Variants in UBE2E2 observed in about 807,000 individuals in gnomAD.
The protein encoded by UBE2E2 is ubiquitin conjugating enzyme E2 E2.
A neutral mutation model predicts 24.7 loss-of-function variants in UBE2E2; 6 were observed. The observed-to-expected ratio is 0.24, with a 90% CI of 0.13 to 0.48. The LOEUF (loss-of-function observed/expected upper bound fraction) is 0.48, where lower values mean the gene tolerates loss of function less well. UBE2E2 is among the 20% of genes least tolerant of loss of function. The pLI, the probability that UBE2E2 is intolerant of heterozygous loss-of-function variation, is 0.99. For missense variants in UBE2E2, 169 were observed against 245.0 expected, an observed-to-expected ratio of 0.69 and a Z score of 2.07; for synonymous variants, 104 against 83.6, an observed-to-expected ratio of 1.24 and a Z score of -1.33.
chr3:23,332,725 A>G (rs1575566560), intron 3 of UBE2E2, among the ~76,000 whole-genome samples: 1 of 147,364 alleles, frequency 6.8e-6, no homozygotes, highest in African/African-American at 2.5e-5. Flanking sequence ...GTGTGCAGCT[A>G]TGGATATCTC....
At chr3:23,461,497 T>A (rs1698804195) in intron 3 of UBE2E2, among the ~76,000 whole-genome samples, 1 of 152,210 alleles carries the variant, frequency 6.6e-6, no homozygotes, top group Non-Finnish European at 1.5e-5. Context: ...TTTATTCATA[T>A]TAGGAAATTA....
At chr3:23,254,597 G>A (rs2125348500) in intron 3 of UBE2E2, among the ~76,000 whole-genome samples, 1 of 152,270 alleles carries the variant, frequency 6.6e-6, no homozygotes, top group South Asian at 2.1e-4. Flanking sequence ...GGTATATCTG[G>A]CTTCATTGAA....
At chr3:23,480,041 C>T (rs73043635) in intron 3 of UBE2E2, among the ~76,000 whole-genome samples, 16,635 of 152,224 alleles carry the variant, frequency 0.11, 1,109 homozygotes, top group Middle Eastern at 0.2. Flanking sequence ...TGGAGTTTCA[C>T]TGGGGACCTG....
At position 23,407,240 on chromosome 3, in the gene UBE2E2, T is replaced by G. The variant is rs1697378504; in HGVS notation, c.228-92368T>G. Among the ~76,000 whole-genome samples, 1 of 141,708 alleles carries G rather than the reference T, an allele frequency of 7.1e-6. No homozygotes were observed. The highest frequency in any genetic ancestry group is 7.0e-5 in the Admixed American group (1 of 14,374). 93.0% of individuals were successfully genotyped at this position (141,708 alleles called of 152,430 possible). On this transcript the variant is annotated intron_variant, in intron 3 of 5. Coordinates refer to ENST00000396703, the MANE Select transcript of UBE2E2 (RefSeq NM_152653.4). This position sits in a 1 kb window ranked among gnomAD's most constrained non-coding sequence, Gnocchi z 4.0. ...AGGTGAGCATCAAGCTTTACACATT[T>G]TTTTCCCCATTTTTTTTCTGGAAAG...
intron 5 of UBE2E2, among the ~76,000 whole-genome samples, chr3:23,586,361 C>T (rs1181470106): frequency 1.3e-5 from 2 of 152,110 alleles, no homozygotes; most frequent in African/African-American, 4.8e-5. Context: ...GTGGCATGAT[C>T]ACAGCTCACT....
chr3:23,456,899 T>A (rs1698691812), intron 3 of UBE2E2, among the ~76,000 whole-genome samples: 1 of 152,220 alleles, frequency 6.6e-6, no homozygotes, highest in Admixed American at 6.5e-5. Flanking sequence ...CGGAAAGTCC[T>A]AGATGGCCTC....
At chr3:23,425,709 C>G (rs1334789943) in intron 3 of UBE2E2, among the ~76,000 whole-genome samples, 1 of 152,056 alleles carries the variant, frequency 6.6e-6, no homozygotes, top group Non-Finnish European at 1.5e-5. Flanking sequence ...GAGTGAAAAA[C>G]TTTAGGGGTG....
chr3:23,238,535 T>TC (rs1416979531), intron 3 of UBE2E2, among the ~76,000 whole-genome samples: 1 of 152,184 alleles, frequency 6.6e-6, no homozygotes. Context: ...TAAGAAACCA[T>TC]CATCAGTAAA....
At chr3:23,270,302 A>G (rs1698201493) in intron 3 of UBE2E2, among the ~76,000 whole-genome samples, 1 of 151,860 alleles carries the variant, frequency 6.6e-6, no homozygotes, top group Non-Finnish European at 1.5e-5. Flanking sequence ...GTTCTGTGGT[A>G]GAATTGCCTT....
At chr3:23,266,369 T>C (rs1698049487) in intron 3 of UBE2E2, among the ~76,000 whole-genome samples, 1 of 152,192 alleles carries the variant, frequency 6.6e-6, no homozygotes, top group Non-Finnish European at 1.5e-5. Context: ...CAGCATTTGC[T>C]TGTCTGTAAA....
chr3:23,496,269 C>T (rs981721786), intron 3 of UBE2E2, among the ~76,000 whole-genome samples: 8 of 151,924 alleles, frequency 5.3e-5, no homozygotes, highest in African/African-American at 1.7e-4. Flanking sequence ...AATTTGGTAC[C>T]TATGTAATAA....
chr3:23,449,082 C>T (rs558226868), intron 3 of UBE2E2, among the ~76,000 whole-genome samples: 1 of 152,138 alleles, frequency 6.6e-6, no homozygotes. Flanking sequence ...AGTATACTAG[C>T]AGAAAGAGTT....
chr3:23,459,685 T>C (rs1698764707), intron 3 of UBE2E2, among the ~76,000 whole-genome samples: 1 of 152,206 alleles, frequency 6.6e-6, no homozygotes. Flanking sequence ...AAATTATTCA[T>C]GCCTCGGGAC....
intron 3 of UBE2E2, among the ~76,000 whole-genome samples, chr3:23,352,570 G>A (rs1695787387): frequency 6.6e-6 from 1 of 152,214 alleles, no homozygotes; most frequent in African/African-American, 2.4e-5. Context: ...CAATCCCACA[G>A]AAATGCAAAC....
At chr3:23,314,793 G>A (rs958747831) in intron 3 of UBE2E2, among the ~76,000 whole-genome samples, 2 of 152,170 alleles carry the variant, frequency 1.3e-5, no homozygotes, top group African/African-American at 4.8e-5. Flanking sequence ...GGTCTGTGAC[G>A]TTTCCACTGA....
chr3:23,420,875 T>C (rs1697780045), intron 3 of UBE2E2, among the ~76,000 whole-genome samples: 1 of 152,224 alleles, frequency 6.6e-6, no homozygotes, highest in South Asian at 2.1e-4. Context: ...TAACTAGATA[T>C]TGCCTATGGG....
chr3:23,302,286 A>G (rs969807311), intron 3 of UBE2E2, among the ~76,000 whole-genome samples: 21 of 152,222 alleles, frequency 1.4e-4, no homozygotes, highest in African/African-American at 3.4e-4. Context: ...TTCAGAGACT[A>G]TATAATATTT....
chr3:23,214,201 T>C (rs73033541), intron 2 of UBE2E2, among the ~76,000 whole-genome samples: 27,508 of 152,130 alleles, frequency 0.18, 2,628 homozygotes, highest in Non-Finnish European at 0.21. Flanking sequence ...CCTAGAATTA[T>C]AGGGATCTGG....
At chr3:23,451,438 A>G (rs1698560526) in intron 3 of UBE2E2, among the ~76,000 whole-genome samples, 1 of 152,186 alleles carries the variant, frequency 6.6e-6, no homozygotes, top group Admixed American at 6.5e-5. Context: ...TGGAATAAAG[A>G]GTAATTTGAG....
Sources: allele counts gnomAD v4.1 joint callset (sites outside exome capture counted in the v4.1 genomes callset), GRCh38; gene constraint gnomAD v4.1.1; non-coding constraint Gnocchi (gnomAD v3.1); transcripts MANE v1.5; gene names NCBI Gene and HGNC (gene_info 2026-07-23, HGNC 2026-07-21).